Variants in CAPRIN2 observed in about 807,000 individuals in gnomAD.
CAPRIN2 encodes the protein caprin-2.
CAPRIN2 carries 66 observed loss-of-function variants against 130.4 expected under a neutral mutation model. The ratio of observed to expected loss-of-function variants is 0.51; its 90% CI spans 0.42 to 0.62. CAPRIN2 has a LOEUF of 0.62. Ranked by LOEUF, CAPRIN2 falls within the 20% of genes least tolerant of loss-of-function variation. The pLI is 0.00. For synonymous variants in CAPRIN2, 471 were observed against 444.1 expected (o/e 1.06, Z -0.76); for missense variants, 1,185 against 1,246.6 (o/e 0.95, Z 0.74).
intron 12 of CAPRIN2, chr12:30,719,902 A>G (rs962910774): frequency 1.3e-5 from 2 of 152,198 alleles, no homozygotes; most frequent in Non-Finnish European, 2.9e-5. Flanking sequence ...AGGATTATCT[A>G]TATTTTCTTA....
Position 30,729,057 on chromosome 12 carries a change from T to C in CAPRIN2, c.1373A>G (p.Lys458Arg), listed in dbSNP as rs756729542. 4.3e-6 allele frequency: 7 copies of C among 1,614,052 alleles called. No homozygotes were observed. In the East Asian group the frequency reaches 1.6e-4, roughly 36 times the overall value. Residue 458 changes from lysine (K) to arginine (R), a missense_variant, in exon 8 of 17, where the codon AAG becomes AGG. This residue lies in a region of CAPRIN2 where 1,104 missense variants were observed against 1,104.3 expected (regional missense o/e 1.00). Transcript: ENST00000298892. Reference sequence around the variant, plus strand: ...CTTGGATTTGGAGATCTCCTGCTTCTTCTGCTCTTCCGGCAGAGTAGACCT... The same window carrying C: ...CTTGGATTTGGAGATCTCCTGCTTCCTCTGCTCTTCCGGCAGAGTAGACCT...
At chr12:30,717,619 C>T (rs1220196927) in intron 12 of CAPRIN2, among the ~76,000 whole-genome samples, 1 of 151,926 alleles carries the variant, frequency 6.6e-6, no homozygotes, top group Admixed American at 6.6e-5. Flanking sequence ...AAAAACACTC[C>T]TACTTGATTC....
At chr12:30,738,635 A>G (rs545641723) in intron 3 of CAPRIN2, among the ~76,000 whole-genome samples, 1 of 152,354 alleles carries the variant, frequency 6.6e-6, no homozygotes, top group Non-Finnish European at 1.5e-5. Flanking sequence ...ACAGAATGGG[A>G]GAAAACTTTT....
rs887384986 is a variant in CAPRIN2 at position 30,711,092 on chromosome 12, G to C, written c.2665+474C>G. Among the ~76,000 whole-genome samples, 5 of 152,248 alleles carry C rather than the reference G, an allele frequency of 3.3e-5. No homozygotes were observed. The East Asian group carries it at 9.6e-4, about 29-fold the overall frequency. On this transcript the variant is annotated intron_variant, in intron 16 of 16. Coordinates refer to ENST00000298892, the Ensembl canonical transcript of CAPRIN2. ...TCCTGTGCCAAAGTTACTCTTCAGTGATTTTTCTTCTCCCTTATACAAACT... is the reference window on the plus strand; with the variant it reads ...TCCTGTGCCAAAGTTACTCTTCAGTCATTTTTCTTCTCCCTTATACAAACT...
Position 30,710,424 on chromosome 12 carries a change from G to A in CAPRIN2, c.2712C>T (p.Asn904=), listed in dbSNP as rs371328465. 1.3e-4 allele frequency: 202 copies of A among 1,614,002 alleles called. No homozygotes were observed. Among genetic ancestry groups the A allele is most frequent in the Admixed American group, 7.3e-4 (44 of 60,000 alleles). Residue 904 remains asparagine (N), a synonymous_variant, in exon 17 of 17, where the codon AAC becomes AAT. Transcript: ENST00000298892. The surrounding 1 kb of genome is among the most constrained non-coding windows in gnomAD (Gnocchi z 4.8). ...CAGAGTCACCACTGTTAAAGGTTTC[G>A]TTGTCTCTTTCTGGGCTGCTCACCT...
intron 3 of CAPRIN2, among the ~76,000 whole-genome samples, chr12:30,738,602 T>C (rs1261679311): frequency 6.6e-6 from 1 of 152,090 alleles, no homozygotes; most frequent in Admixed American, 6.5e-5. Context: ...AAAGAAACCA[T>C]CAACAGAGTA....
exon 2 of CAPRIN2, chr12:30,751,126 A>C (rs747195658): frequency 6.2e-7 from 1 of 1,613,596 alleles, no homozygotes; most frequent in East Asian, 2.2e-5. Flanking sequence ...ATAATCCTCC[A>C]GTTTGAGCTA....
intron 2 of CAPRIN2, among the ~76,000 whole-genome samples, chr12:30,750,113 G>A (rs971621083): frequency 2.6e-5 from 4 of 152,176 alleles, no homozygotes; most frequent in Non-Finnish European, 4.4e-5. Flanking sequence ...TGCATGTCCA[G>A]CTAAGCCCTC....
intron 1 of CAPRIN2, among the ~76,000 whole-genome samples, 159 bp downstream of exon 2, chr12:30,753,185 A>G (rs1435017310): frequency 6.6e-6 from 1 of 152,244 alleles, no homozygotes; most frequent in Non-Finnish European, 1.5e-5. Flanking sequence ...GAAACAGAAA[A>G]TGTTTAATAT....
chr12:30,741,698 G>A (rs1467372490), intron 2 of CAPRIN2, among the ~76,000 whole-genome samples: 1 of 152,088 alleles, frequency 6.6e-6, no homozygotes, highest in Non-Finnish European at 1.5e-5. Context: ...ATACGGAAGA[G>A]AAAGGACCAA....
chr12:30,731,240 G>A (rs561526050), intron 6 of CAPRIN2, 103 bp downstream of exon 7: 49 of 813,638 alleles, frequency 6.0e-5, no homozygotes, highest in Non-Finnish European at 9.4e-5. Flanking sequence ...CATGCATGTA[G>A]AACCTAACAA....
At chr12:30,735,405 C>A (rs11051046) in intron 3 of CAPRIN2, among the ~76,000 whole-genome samples, 199 bp from the exon 5 acceptor site, 46,212 of 151,984 alleles carry the variant, frequency 0.3, 7,858 homozygotes, top group African/African-American at 0.45. Context: ...GTAACCAGAG[C>A]CAAGGGGGTC....
At chr12:30,716,277 A>T in intron 13 of CAPRIN2, 2 of 430,800 alleles carry the variant, frequency 4.6e-6, no homozygotes, top group Non-Finnish European at 8.2e-6. Context: ...AACCTACTTC[A>T]AGGTTAAATC....
upstream of CAPRIN2, chr12:30,754,718 G>T (rs2075500382): frequency 2.0e-5 from 3 of 153,512 alleles, no homozygotes; most frequent in South Asian, 1.8e-4. Flanking sequence ...TCCCTCCGCC[G>T]CGCCGACCGA....
At chr12:30,750,993 C>G in intron 2 of CAPRIN2, 78 bp downstream of exon 3, 3 of 1,017,978 alleles carry the variant, frequency 2.9e-6, no homozygotes, top group Non-Finnish European at 4.7e-6. Flanking sequence ...GCTATAAAGA[C>G]TGATCGCACT....
intron 15 of CAPRIN2, among the ~76,000 whole-genome samples, chr12:30,712,078 T>A (rs1370292313): frequency 1.3e-5 from 2 of 152,108 alleles, no homozygotes. Flanking sequence ...AATTTTTTTT[T>A]AAGAAATTGA....
chr12:30,753,400 T>C (rs944509261), exon 1 of CAPRIN2: 1 of 1,613,818 alleles, frequency 6.2e-7, no homozygotes, highest in Non-Finnish European at 8.5e-7. Context: ...CCATTTTCAA[T>C]ATAGGTCTCA....
intron 13 of CAPRIN2, chr12:30,715,555 G>GT: frequency 2.5e-6 from 1 of 404,136 alleles, no homozygotes; most frequent in Non-Finnish European, 4.8e-6. Context: ...CAAAGTTTCA[G>GT]TTGGGGGGAG....
At chr12:30,737,848 C>T (rs1486833597) in intron 3 of CAPRIN2, among the ~76,000 whole-genome samples, 1 of 152,070 alleles carries the variant, frequency 6.6e-6, no homozygotes, top group East Asian at 1.9e-4. Flanking sequence ...CCGCCCGCCT[C>T]GGCCTCCCAA....
Sources: allele counts gnomAD v4.1 joint callset (sites outside exome capture counted in the v4.1 genomes callset), GRCh38; gene constraint gnomAD v4.1.1; regional missense constraint gnomAD v4.1.1; non-coding constraint Gnocchi (gnomAD v3.1); transcripts MANE v1.5; gene names NCBI Gene and HGNC (gene_info 2026-07-23, HGNC 2026-07-21).